Variants in AK7 observed in about 807,000 individuals in gnomAD.
AK7 encodes the protein ATP-AMP transphosphorylase 7.
In AK7, 78 loss-of-function variants were observed where a neutral mutation model predicts 96.6. That is an observed-to-expected ratio of 0.81 (90% CI 0.67 to 0.97). The LOEUF (loss-of-function observed/expected upper bound fraction) is 0.97. Ranked by LOEUF, AK7 falls within the 50% of genes least tolerant of loss-of-function variation. The pLI is 0.00. For synonymous variants in AK7, 302 were observed against 317.2 expected (o/e 0.95, Z 0.51); for missense variants, 855 against 887.9 (o/e 0.96, Z 0.47).
chr14:96,405,409 C>T (rs1319017285), intron 3 of AK7, among the ~76,000 whole-genome samples: 1 of 151,944 alleles, frequency 6.6e-6, no homozygotes, highest in Admixed American at 6.6e-5. Flanking sequence ...GTCTCAAACC[C>T]CTGGCCTCAA....
chr14:96,397,527 G>A (rs1391006876), intron 1 of AK7, among the ~76,000 whole-genome samples: 1 of 152,140 alleles, frequency 6.6e-6, no homozygotes, highest in African/African-American at 2.4e-5. Flanking sequence ...GGGATTACAG[G>A]CATGAGCCAC....
At chr14:96,419,887 C>A (rs1442890153) in intron 4 of AK7, among the ~76,000 whole-genome samples, 1 of 146,384 alleles carries the variant, frequency 6.8e-6, no homozygotes, top group African/African-American at 2.5e-5. Flanking sequence ...CTCCTGGGTT[C>A]AAGCAATTCT....
intron 7 of AK7, among the ~76,000 whole-genome samples, chr14:96,445,161 T>C (rs1465289182): frequency 6.6e-6 from 1 of 152,254 alleles, no homozygotes; most frequent in Non-Finnish European, 1.5e-5. Context: ...CTCATTTCAC[T>C]GACACACTTG....
chr14:96,454,938 G>GT (rs566392110), intron 10 of AK7, among the ~76,000 whole-genome samples: 149 of 152,234 alleles, frequency 9.8e-4, no homozygotes, highest in African/African-American at 3.3e-3. Context: ...GTCGAGGCGG[G>GT]TGGATCACCT....
At position 96,484,752 on chromosome 14, in the gene AK7, A is replaced by G. The variant is rs527412950; in HGVS notation, c.1974+1533A>G. 7.2e-5 allele frequency among the ~76,000 whole-genome samples: 11 copies of G among 152,282 alleles called. No individual in the cohort carries two copies. In the South Asian group the frequency reaches 2.3e-3, roughly 32 times the overall value. ...CCTCTTTGTACTTACTCTACCTATT[A>G]TATACATTTTATGTATTTATCTTGT... On this transcript the variant is annotated intron_variant, in intron 16 of 17. Transcript: ENST00000267584.
At chr14:96,469,711 A>G (rs2140151820) in intron 12 of AK7, among the ~76,000 whole-genome samples, 1 of 152,302 alleles carries the variant, frequency 6.6e-6, no homozygotes, top group South Asian at 2.1e-4. Flanking sequence ...TGTCTTAGCC[A>G]TAATATTTAA....
chr14:96,407,784 T>A (rs1890807661), intron 3 of AK7, among the ~76,000 whole-genome samples: 1 of 151,952 alleles, frequency 6.6e-6, no homozygotes, highest in Non-Finnish European at 1.5e-5. Flanking sequence ...GGTTTCACTG[T>A]GTTAGCCAGG....
chr14:96,481,707 T>C (rs1895513583), intron 15 of AK7, among the ~76,000 whole-genome samples: 1 of 149,676 alleles, frequency 6.7e-6, no homozygotes, highest in African/African-American at 2.4e-5. Flanking sequence ...CTTTTACCTT[T>C]TTTTTTTTTT....
At chr14:96,479,770 T>C (rs1160328779) in intron 15 of AK7, among the ~76,000 whole-genome samples, 1 of 152,212 alleles carries the variant, frequency 6.6e-6, no homozygotes, top group Admixed American at 6.5e-5. Context: ...TTCGCACGTA[T>C]TCCTCCTATG....
intron 17 of AK7, chr14:96,487,832 T>G (rs993297226): frequency 5.0e-6 from 1 of 201,576 alleles, no homozygotes; most frequent in African/African-American, 2.4e-5. Context: ...ATAAGATTTT[T>G]TTCCCTCATT....
intron 12 of AK7, among the ~76,000 whole-genome samples, chr14:96,470,372 C>T (rs1464417503): frequency 6.6e-6 from 1 of 151,962 alleles, no homozygotes; most frequent in Non-Finnish European, 1.5e-5. Flanking sequence ...GATCAATTTC[C>T]CTAACTTGTC....
At chr14:96,438,464 G>A (rs186190113) in intron 6 of AK7, among the ~76,000 whole-genome samples, 45 of 152,264 alleles carry the variant, frequency 3.0e-4, no homozygotes, top group African/African-American at 1.1e-3. Flanking sequence ...TGAAGGAGCT[G>A]GCTAATCGGC....
At chr14:96,425,885 T>C (rs1892001581) in intron 5 of AK7, among the ~76,000 whole-genome samples, 1 of 152,240 alleles carries the variant, frequency 6.6e-6, no homozygotes, top group Non-Finnish European at 1.5e-5. Flanking sequence ...CCCTTTATTT[T>C]CAGTCTATGT....
chr14:96,410,586 A>T (rs548651757), intron 4 of AK7, among the ~76,000 whole-genome samples: 1 of 152,308 alleles, frequency 6.6e-6, no homozygotes, highest in African/African-American at 2.4e-5. Context: ...CCCAAAGAAA[A>T]CATGGAGCAG....
At chr14:96,445,294 C>G (rs1202433623) in intron 7 of AK7, among the ~76,000 whole-genome samples, 3 of 152,122 alleles carry the variant, frequency 2.0e-5, no homozygotes, top group South Asian at 4.2e-4. Flanking sequence ...CATTTTTTCC[C>G]CAGAGGTTTC....
At chr14:96,452,337 T>TA (rs966686668) in intron 10 of AK7, among the ~76,000 whole-genome samples, 4 of 152,014 alleles carry the variant, frequency 2.6e-5, no homozygotes, top group Admixed American at 2.0e-4. Flanking sequence ...TTTTTTTTTT[T>TA]ATTCAGACAG....
chr14:96,447,191 C>T (rs1346612660), intron 8 of AK7, among the ~76,000 whole-genome samples: 3 of 152,190 alleles, frequency 2.0e-5, no homozygotes, highest in South Asian at 4.1e-4. Context: ...CAGACACACA[C>T]GCAGATGACA....
chr14:96,408,728 C>A, intron 3 of AK7, 119 bp from the exon 4 acceptor site: 1 of 777,504 alleles, frequency 1.3e-6, no homozygotes. Flanking sequence ...GTCAAAGAAG[C>A]ATCAGAGGTA....
In AK7 at chr14:96,445,742, C is replaced by T. The variant is rs547984141; in HGVS notation, c.780-775C>T. Among the ~76,000 whole-genome samples, 84 of 152,074 alleles carry T rather than the reference C, an allele frequency of 5.5e-4. 1 individual carries two copies. The highest frequency in any genetic ancestry group is 1.0e-3 in the Non-Finnish European group (69 of 67,984). On this transcript the variant is annotated intron_variant, in intron 7 of 17. Coordinates refer to ENST00000267584, the MANE Select transcript of AK7 (RefSeq NM_152327.5). ...TAAATGTGAACTGCACATTTGGAAGCGTGCATTCGATTTATTTTCATTTTA... is the reference window on the plus strand; with the variant it reads ...TAAATGTGAACTGCACATTTGGAAGTGTGCATTCGATTTATTTTCATTTTA...
Sources: gnomAD v4.1 joint callset for allele counts (sites outside exome capture counted in the v4.1 genomes callset) on GRCh38, gnomAD v4.1.1 for gene constraint, MANE v1.5 for transcripts, NCBI Gene and HGNC (gene_info 2026-07-23, HGNC 2026-07-21) for gene names.